C3orf52: variants seen among roughly 807,000 people sequenced by gnomAD.
C3orf52 encodes the protein TPA-induced transmembrane protein.
Under a neutral mutation model 24.8 loss-of-function variants are expected in C3orf52, and 22 were observed. That is an observed-to-expected ratio of 0.89 (90% CI 0.63 to 1.27). The LOEUF is 1.27. Among genes scored for constraint, C3orf52 ranks in the 50% most tolerant of loss-of-function variants. C3orf52 has a pLI of 0.00. For missense variants in C3orf52, 265 were observed against 260.7 expected, an observed-to-expected ratio of 1.02 and a Z score of -0.11; for synonymous variants, 93 against 100.2, an observed-to-expected ratio of 0.93 and a Z score of 0.43.
At chr3:112,095,529 G>A (rs1254017388) in intron 2 of C3orf52, among the ~76,000 whole-genome samples, 1 of 152,204 alleles carries the variant, frequency 6.6e-6, no homozygotes, top group Non-Finnish European at 1.5e-5. Flanking sequence ...CAGTCTGCAA[G>A]AGGAAGGTAT....
intron 2 of C3orf52, among the ~76,000 whole-genome samples, chr3:112,101,381 T>C (rs971097073): frequency 1.3e-5 from 2 of 152,222 alleles, no homozygotes; most frequent in Admixed American, 6.5e-5. Context: ...TCTCATCTAC[T>C]AGGGAAGCTT....
intron 4 of C3orf52, among the ~76,000 whole-genome samples, chr3:112,110,616 G>A (rs2074071087): frequency 1.3e-5 from 2 of 152,308 alleles, no homozygotes; most frequent in South Asian, 4.1e-4. Flanking sequence ...GCATCAGGGT[G>A]TATGTGTGTA....
At chr3:112,133,125 T>G, downstream of C3orf52, 3 of 1,613,856 alleles carry the variant, frequency 1.9e-6, no homozygotes, top group Non-Finnish European at 2.5e-6. Flanking sequence ...TCCCATCCTC[T>G]CAGTCCTCTC....
downstream of C3orf52, chr3:112,119,343 C>T (rs1327218291): frequency 1.8e-5 from 12 of 648,882 alleles, no homozygotes; most frequent in Admixed American, 2.2e-5. Flanking sequence ...CCATTGCACT[C>T]CAGCCTGGGT....
chr3:112,127,288 T>TG (rs2074348666), intron 4 of C3orf52, among the ~76,000 whole-genome samples: 1 of 152,198 alleles, frequency 6.6e-6, no homozygotes, highest in African/African-American at 2.4e-5. Context: ...GATTTATAGA[T>TG]GGGGAAATAT....
At chr3:112,106,249 A>G (rs2074022479) in intron 3 of C3orf52, among the ~76,000 whole-genome samples, 1 of 108,818 alleles carries the variant, frequency 9.2e-6, no homozygotes, top group African/African-American at 3.4e-5. Context: ...CAAAAGCTTC[A>G]GATTTCTTCT....
At chr3:112,088,224 T>G (rs1389436650) in intron 1 of C3orf52, among the ~76,000 whole-genome samples, 1 of 152,200 alleles carries the variant, frequency 6.6e-6, no homozygotes, top group Non-Finnish European at 1.5e-5. Flanking sequence ...AGGAATGCCT[T>G]GAACTAATCT....
chr3:112,127,204 A>G (rs1022056677), intron 4 of C3orf52, among the ~76,000 whole-genome samples: 1 of 152,220 alleles, frequency 6.6e-6, no homozygotes, highest in Admixed American at 6.5e-5. Context: ...AGATGAGGCC[A>G]AATAGAAATA....
chr3:112,135,802 A>T (rs1040834552), downstream of C3orf52, among the ~76,000 whole-genome samples: 1 of 152,114 alleles, frequency 6.6e-6, no homozygotes, highest in Non-Finnish European at 1.5e-5. Context: ...AAATTCATGT[A>T]AAGGAAGGTC....
chr3:112,120,618 T>C (rs889010712), downstream of C3orf52, among the ~76,000 whole-genome samples: 1 of 152,184 alleles, frequency 6.6e-6, no homozygotes, highest in African/African-American at 2.4e-5. Context: ...TTTCTGGTTA[T>C]ATTTGTGGCT....
At chr3:112,125,276 A>G (rs1274195656) in intron 4 of C3orf52, 1 of 1,537,236 alleles carries the variant, frequency 6.5e-7, no homozygotes. Flanking sequence ...AAATACACTC[A>G]ATGAATTTCA....
chr3:112,120,368 A>G (rs1292832401), downstream of C3orf52, among the ~76,000 whole-genome samples: 1 of 152,176 alleles, frequency 6.6e-6, no homozygotes, highest in African/African-American at 2.4e-5. Flanking sequence ...CTATCACTCA[A>G]GTTTGTCCTA....
intron 5 of C3orf52, among the ~76,000 whole-genome samples, chr3:112,115,312 T>C (rs1175695890): frequency 6.6e-6 from 1 of 151,890 alleles, no homozygotes; most frequent in Non-Finnish European, 1.5e-5. Flanking sequence ...GGGGATGAGC[T>C]CAGAGGCAAA....
intron 2 of C3orf52, among the ~76,000 whole-genome samples, 193 bp from the exon 3 acceptor site, chr3:112,102,645 C>G (rs2073984007): frequency 6.6e-6 from 1 of 152,178 alleles, no homozygotes; most frequent in Non-Finnish European, 1.5e-5. Flanking sequence ...TTGATAGAGG[C>G]AAACCCCTGT....
chr3:112,132,078 A>G (rs1022443217), downstream of C3orf52, among the ~76,000 whole-genome samples: 9 of 152,224 alleles, frequency 5.9e-5, no homozygotes, highest in Non-Finnish European at 1.0e-4. Context: ...AGCATCTCAT[A>G]TCTAGTAATA....
intron 1 of C3orf52, among the ~76,000 whole-genome samples, chr3:112,088,908 C>T (rs4682356): frequency 0.2 from 29,805 of 152,118 alleles, 3,685 homozygotes; most frequent in East Asian, 0.37. Context: ...GAAGACATCT[C>T]TCTTCTTCCT....
At chr3:112,115,222 C>T (rs1355322092) in intron 5 of C3orf52, among the ~76,000 whole-genome samples, 1 of 152,106 alleles carries the variant, frequency 6.6e-6, no homozygotes, top group Non-Finnish European at 1.5e-5. Flanking sequence ...ACTGCCCTCT[C>T]AAAGGGAAGG....
chr3:112,125,160 C>T, intron 4 of C3orf52: 1 of 1,040,990 alleles, frequency 9.6e-7, no homozygotes, highest in Non-Finnish European at 1.5e-6. Flanking sequence ...CCAACTTCTC[C>T]TGCCATTTAG....
chr3:112,119,397 AACAG>A, downstream of C3orf52: 1 of 690,770 alleles, frequency 1.4e-6, no homozygotes, highest in South Asian at 1.5e-5. Context: ...CAAACAAACA[AACAG>A]AAACAGTAGG....
Sources: gnomAD v4.1 joint callset for allele counts (sites outside exome capture counted in the v4.1 genomes callset) on GRCh38, gnomAD v4.1.1 for gene constraint, MANE v1.5 for transcripts, NCBI Gene and HGNC (gene_info 2026-07-23, HGNC 2026-07-21) for gene names.